Variants in NMNAT1 observed in about 807,000 individuals in gnomAD.
NMNAT1 encodes nicotinamide/nicotinic acid mononucleotide adenylyltransferase 1.
In NMNAT1, 11 loss-of-function variants were observed where a neutral mutation model predicts 16.7. The ratio of observed to expected loss-of-function variants is 0.66; its 90% CI spans 0.41 to 1.09. The LOEUF is 1.09. Among genes scored for constraint, NMNAT1 ranks in the 50% least tolerant of loss-of-function variants. NMNAT1 has a pLI of 0.00. For missense variants in NMNAT1, 280 were observed against 332.3 expected (o/e 0.84, Z 1.22); for synonymous variants, 110 against 119.8 (o/e 0.92, Z 0.53).
rs112592390 is a variant in NMNAT1, at chr1:9,964,958, C to G, written c.-56-7060C>G. On this transcript the variant is annotated intron_variant, in intron 1 of 4. Transcript: ENST00000377205. ...AAAAAAAAAAAAAAAAAGCTTCAAG[C>G]TCTACAAAAAATTCCCCAAAGTTTT... 4.5e-4 allele frequency among the ~76,000 whole-genome samples: 64 copies of G among 141,124 alleles called. 3 individuals are homozygous for G. Among genetic ancestry groups the G allele is most frequent in the African/African-American group, 1.6e-3 (61 of 38,242 alleles). 92.6% of individuals were successfully genotyped at this position (141,124 alleles called of 152,430 possible).
intron 1 of NMNAT1, among the ~76,000 whole-genome samples, chr1:9,944,293 G>T (rs1640911353): frequency 6.6e-6 from 1 of 152,204 alleles, no homozygotes; most frequent in East Asian, 1.9e-4. Context: ...GGCTGTCGCG[G>T]TGTGACACCT....
intron 3 of NMNAT1, among the ~76,000 whole-genome samples, chr1:9,976,412 T>C (rs1484243778): frequency 6.6e-6 from 1 of 152,170 alleles, no homozygotes; most frequent in Non-Finnish European, 1.5e-5. Flanking sequence ...AAGAAGATGT[T>C]ATTATCATCA....
At chr1:9,959,395 A>G (rs1244237601) in intron 1 of NMNAT1, among the ~76,000 whole-genome samples, 1 of 81,444 alleles carries the variant, frequency 1.2e-5, no homozygotes, top group African/African-American at 4.2e-5. Flanking sequence ...AAAAAAAAAA[A>G]AAAGAGGCCG....
chr1:9,958,689 C>CT (rs1641328980), intron 1 of NMNAT1, among the ~76,000 whole-genome samples: 1 of 152,142 alleles, frequency 6.6e-6, no homozygotes, highest in African/African-American at 2.4e-5. Context: ...CCGCCCACCT[C>CT]TGTCTCCCAA....
chr1:9,974,319 G>A (rs1000320587), intron 2 of NMNAT1, among the ~76,000 whole-genome samples: 3 of 151,046 alleles, frequency 2.0e-5, no homozygotes, highest in African/African-American at 4.9e-5. Flanking sequence ...TTTACCTCCC[G>A]GACTCAAGTG....
intron 1 of NMNAT1, among the ~76,000 whole-genome samples, chr1:9,967,789 G>A (rs751490449): frequency 3.3e-5 from 5 of 151,970 alleles, no homozygotes; most frequent in African/African-American, 4.8e-5. Context: ...AGACCAGCCT[G>A]GGCAATATGG....
At chr1:9,968,431 A>G (rs61782860) in intron 1 of NMNAT1, among the ~76,000 whole-genome samples, 26,460 of 150,356 alleles carry the variant, frequency 0.18, 3,556 homozygotes, top group African/African-American at 0.37. Flanking sequence ...CACAACAATC[A>G]GGAGGTAGGT....
chr1:9,992,081 G>T, the NMNAT1 span, among the ~76,000 whole-genome samples: 1 of 109,330 alleles, frequency 9.1e-6, no homozygotes, highest in East Asian at 2.5e-4. Context: ...AATACTTTAG[G>T]TTTAGATTTT....
At chr1:9,954,879 C>T (rs533926332) in intron 1 of NMNAT1, among the ~76,000 whole-genome samples, 2 of 146,278 alleles carry the variant, frequency 1.4e-5, no homozygotes, top group East Asian at 4.2e-4. Flanking sequence ...TGCAGTGAGC[C>T]GAGATCACAC....
At chr1:9,962,880 A>G (rs1000965815) in intron 1 of NMNAT1, among the ~76,000 whole-genome samples, 1 of 151,900 alleles carries the variant, frequency 6.6e-6, no homozygotes. Flanking sequence ...ACAGGGTTTC[A>G]CCGTTTTAGC....
rs568108592 is a variant in NMNAT1, at chr1:9,954,757, C to T, written c.-57+11242C>T. On this transcript the variant is annotated intron_variant, in intron 1 of 4. Coordinates refer to ENST00000377205, the MANE Select transcript of NMNAT1 (RefSeq NM_022787.4). ...ACCATCCTGGCCAACATGGTGACAC[C>T]CCATCTCTACTAAAAATACAAACAT... 6.0e-5 allele frequency among the ~76,000 whole-genome samples: 9 copies of T among 150,700 alleles called. No homozygotes were observed. The East Asian group carries it at 1.4e-3, about 23-fold the overall frequency.
intron 1 of NMNAT1, among the ~76,000 whole-genome samples, chr1:9,960,285 T>TA (rs750546751): frequency 6.7e-6 from 1 of 149,118 alleles, no homozygotes; most frequent in East Asian, 2.1e-4. Flanking sequence ...ACCCTATCTC[T>TA]AAAAAAAACA....
chr1:9,959,693 GAAAA>G (rs531656465), intron 1 of NMNAT1, among the ~76,000 whole-genome samples: 177 of 151,718 alleles, frequency 1.2e-3, no homozygotes, highest in Admixed American at 1.9e-3. Flanking sequence ...ACCAAAAAAA[GAAAA>G]GAAAGAAAAT....
rs1329331147 is a variant in NMNAT1, at chr1:9,984,398, G to A, written c.*1697G>A. The A allele has an allele frequency of 6.6e-6, 1 of 152,090 alleles. No individual in the cohort carries two copies. Among genetic ancestry groups the A allele is most frequent in the Non-Finnish European group, 1.5e-5 (1 of 68,020 alleles). The allele number at this position is 152,090 out of a possible 1,614,324, so 9.4% of individuals were successfully genotyped here. On this transcript the variant is annotated 3_prime_UTR_variant, in exon 5 of 5. Coordinates refer to ENST00000377205, the MANE Select transcript of NMNAT1 (RefSeq NM_022787.4). ...AGCAACAACTTTGTACAAAGAACAA[G>A]CTTTGTACAGAGAACAAGCTTGGCT...
chr1:9,960,831 C>T (rs546555536), intron 1 of NMNAT1: 1 of 152,354 alleles, frequency 6.6e-6, no homozygotes, highest in African/African-American at 2.4e-5. Flanking sequence ...CAAGGAGGAC[C>T]CAGGTCAGTC....
At chr1:9,971,179 A>G (rs1641679488) in intron 1 of NMNAT1, among the ~76,000 whole-genome samples, 1 of 152,192 alleles carries the variant, frequency 6.6e-6, no homozygotes, top group Admixed American at 6.5e-5. Flanking sequence ...CTTGTGCCAC[A>G]TTCTTTTGCC....
At chr1:9,956,231 G>A (rs1641256761) in intron 1 of NMNAT1, among the ~76,000 whole-genome samples, 2 of 147,526 alleles carry the variant, frequency 1.4e-5, no homozygotes, top group East Asian at 4.0e-4. Context: ...CTGCAGTGGT[G>A]CGATCTCTGC....
At chr1:9,993,054 G>A in the NMNAT1 span, among the ~76,000 whole-genome samples, 5 of 152,222 alleles carry the variant, frequency 3.3e-5, no homozygotes, top group Admixed American at 6.5e-5. Context: ...CTGAAGGAAA[G>A]GGTGTGATGT....
intron 1 of NMNAT1, chr1:9,967,329 TG>T (rs1441338617): frequency 6.5e-6 from 1 of 154,112 alleles, no homozygotes; most frequent in Non-Finnish European, 1.5e-5. Flanking sequence ...CGAACTTACT[TG>T]ATCTCCCATG....
Sources: allele counts gnomAD v4.1 joint callset (sites outside exome capture counted in the v4.1 genomes callset), GRCh38; gene constraint gnomAD v4.1.1; transcripts MANE v1.5; gene names NCBI Gene and HGNC (gene_info 2026-07-23, HGNC 2026-07-21).